The following BLM variants were observed in gnomAD, a reference collection of about 807,000 sequenced individuals.
BLM encodes BLM RecQ like helicase.
A neutral mutation model predicts 135.3 loss-of-function variants in BLM; 95 were observed. The ratio of observed to expected loss-of-function variants is 0.70; its 90% confidence interval spans 0.59 to 0.83. The LOEUF (loss-of-function observed/expected upper bound fraction) is 0.83. Ranked by LOEUF, BLM falls within the 40% of genes least tolerant of loss-of-function variation. The pLI is 0.00. For missense variants in BLM, 1,518 were observed against 1,663.9 expected (o/e 0.91, Z 1.53); for synonymous variants, 520 against 589.2 (o/e 0.88, Z 1.70).
Position 90,749,799 on chromosome 15 carries a change from T to C in BLM, c.531T>C (p.Phe177=), listed in dbSNP as rs1427436470. 1 of 1,610,212 alleles carries C rather than the reference T, an allele frequency of 6.2e-7. No individual in the cohort carries two copies. The highest frequency in any genetic ancestry group is 8.5e-7 in the Non-Finnish European group (1 of 1,178,126). ...KSFVTPPQSH[F]VRVSTAQKSK... ...TTGTTACACCACCCCAAAGTCACTT[T>C]GTAAGAGTAAGCACTGCTCAGAAAT... Residue 177 remains phenylalanine, a synonymous_variant, in exon 3 of 22, where the codon TTT becomes TTC. Coordinates refer to ENST00000355112, the MANE Select transcript of BLM (RefSeq NM_000057.4).
intron 1 of BLM, among the ~76,000 whole-genome samples, chr15:90,735,619 TAGCCACTTGAAA>T (rs1365151137): frequency 6.6e-6 from 1 of 152,106 alleles, no homozygotes; most frequent in Non-Finnish European, 1.5e-5. Context: ...GACAACTTGT[TAGCCACTTGAAA>T]AAACAAAATT....
intron 20 of BLM, among the ~76,000 whole-genome samples, chr15:90,810,193 C>T (rs993729663): frequency 2.7e-5 from 4 of 150,826 alleles, no homozygotes; most frequent in African/African-American, 7.3e-5. Flanking sequence ...GCTGAGACTA[C>T]AGGCATGCAC....
intron 14 of BLM, among the ~76,000 whole-genome samples, chr15:90,785,350 C>T (rs905133893): frequency 3.3e-5 from 5 of 151,960 alleles, no homozygotes; most frequent in African/African-American, 1.2e-4. Context: ...CAAAGTTGTA[C>T]AATAATCATC....
chr15:90,751,675 G>T lies in BLM; in HGVS notation c.800-112G>T, dbSNP rs189782735. The T allele has an allele frequency of 3.4e-5, 28 of 831,226 alleles. No homozygotes were observed. The East Asian group carries it at 7.3e-4, about 22-fold the overall frequency. 51.5% of individuals were successfully genotyped at this position (831,226 alleles called of 1,614,324 possible). On this transcript the variant is annotated intron_variant, in intron 3 of 21. Coordinates refer to ENST00000355112, the MANE Select transcript of BLM (RefSeq NM_000057.4). The stretch of plus-strand genomic sequence containing the variant: ...TAAAGGGAGAGGATCCATACAAAGT[G>T]GTGTGATTGTTTGTGACTTGCCAGA...
intron 4 of BLM, among the ~76,000 whole-genome samples, chr15:90,752,216 C>A (rs1895707004): frequency 6.6e-6 from 1 of 151,138 alleles, no homozygotes; most frequent in Non-Finnish European, 1.5e-5. Context: ...CGCTCTGTCA[C>A]CCAGGCTGGA....
chr15:90,747,349 G>A, intron 1 of BLM, 40 bp from the exon 2 acceptor site: 1 of 1,450,970 alleles, frequency 6.9e-7, no homozygotes, highest in Non-Finnish European at 9.5e-7. Context: ...TTAATGCAAA[G>A]TACCTAACTC....
chr15:90,758,751 G>A (rs1895884203), intron 5 of BLM, among the ~76,000 whole-genome samples: 1 of 152,098 alleles, frequency 6.6e-6, no homozygotes, highest in Admixed American at 6.5e-5. Context: ...GACAGAAATG[G>A]CCACCAGAAT....
intron 1 of BLM, among the ~76,000 whole-genome samples, chr15:90,726,641 T>C (rs995590584): frequency 6.6e-6 from 1 of 152,190 alleles, no homozygotes; most frequent in Non-Finnish European, 1.5e-5. Flanking sequence ...ATTTTACTTC[T>C]ATGAGAGCAA....
At chr15:90,747,551 G>A (rs1360363390) in intron 2 of BLM, 61 bp downstream of exon 2, 9 of 1,043,842 alleles carry the variant, frequency 8.6e-6, no homozygotes, top group Admixed American at 1.9e-5. Context: ...GTACACATGA[G>A]ATATCTTCTC....
intron 19 of BLM, 41 bp from the exon 20 acceptor site, chr15:90,809,096 T>A (rs778233931): frequency 3.1e-6 from 5 of 1,612,532 alleles, no homozygotes; most frequent in Non-Finnish European, 4.2e-6. Context: ...GGGTTTTCTA[T>A]GGGTGATAAT....
At chr15:90,721,504 T>G (rs540709610) in intron 1 of BLM, among the ~76,000 whole-genome samples, 10 of 152,158 alleles carry the variant, frequency 6.6e-5, no homozygotes, top group African/African-American at 2.4e-4. Flanking sequence ...TTTTTGTATT[T>G]TTGGTACAGA....
chr15:90,759,466 G>A (rs1233734957), intron 5 of BLM, among the ~76,000 whole-genome samples: 1 of 151,852 alleles, frequency 6.6e-6, no homozygotes, highest in Admixed American at 6.6e-5. Flanking sequence ...AGTGGCATAG[G>A]CCTGTAGTCT....
At chr15:90,753,210 C>T (rs553857031) in intron 4 of BLM, among the ~76,000 whole-genome samples, 3 of 152,100 alleles carry the variant, frequency 2.0e-5, no homozygotes, top group African/African-American at 4.8e-5. Flanking sequence ...GTAACCATTG[C>T]ACTCCAGCCT....
intron 12 of BLM, among the ~76,000 whole-genome samples, chr15:90,770,170 C>A (rs1024674398): frequency 7.0e-6 from 1 of 143,644 alleles, no homozygotes; most frequent in Admixed American, 6.9e-5. Context: ...AAAGAAATCC[C>A]CCCCCCCTTT....
intron 10 of BLM, among the ~76,000 whole-genome samples, chr15:90,768,716 G>GTGTTTT (rs529220280): frequency 1.3e-5 from 2 of 152,022 alleles, no homozygotes; most frequent in African/African-American, 2.4e-5. Context: ...TTATATGGAG[G>GTGTTTT]TGTTTTTGTT....
In BLM at chr15:90,789,888, T is replaced by C. The variant is rs1037156803; in HGVS notation, c.2824-761T>C. Among the ~76,000 whole-genome samples, 3 of 151,112 alleles carry C rather than the reference T, an allele frequency of 2.0e-5. No individual in the cohort carries two copies. In the Admixed American group the frequency reaches 2.0e-4, roughly 10 times the overall value. On this transcript the variant is annotated intron_variant, in intron 14 of 21. Coordinates refer to ENST00000355112, the MANE Select transcript of BLM (RefSeq NM_000057.4). The stretch of plus-strand genomic sequence containing the variant: ...ATAGCTCCTAAATTCTCAACTGAAA[T>C]GGATATCCTTGAAAACTGATTTATC...
chr15:90,781,015 C>G (rs931554456), intron 12 of BLM, among the ~76,000 whole-genome samples: 6 of 152,106 alleles, frequency 3.9e-5, no homozygotes, highest in African/African-American at 1.2e-4. Flanking sequence ...AATTGAGGGT[C>G]TGAATTTGTT....
chr15:90,797,752 G>A (rs1215383776), intron 16 of BLM, among the ~76,000 whole-genome samples: 1 of 152,150 alleles, frequency 6.6e-6, no homozygotes, highest in Non-Finnish European at 1.5e-5. Flanking sequence ...TGAAGGAAAT[G>A]AGAAAGGAAA....
chr15:90,788,471 G>GTTTTTTTTTTTTTTTTTTTT (rs35158343), intron 14 of BLM, among the ~76,000 whole-genome samples: 4 of 94,994 alleles, frequency 4.2e-5, no homozygotes, highest in East Asian at 6.6e-4. Flanking sequence ...CCAGTGTTTT[G>GTTTTTTTTTTTTTTTTTTTT]TTTTTTTTTT....
Sources: allele counts gnomAD v4.1 joint callset (sites outside exome capture counted in the v4.1 genomes callset), GRCh38; gene constraint gnomAD v4.1.1; transcripts MANE v1.5; gene names NCBI Gene and HGNC (gene_info 2026-07-23, HGNC 2026-07-21).